SH2B2: variants seen among roughly 807,000 people sequenced by gnomAD.
SH2B2 encodes SH2B adapter protein 2.
SH2B2 carries 37 observed loss-of-function variants against 35.7 expected under a neutral mutation model. The ratio of observed to expected loss-of-function variants is 1.04; its 90% CI spans 0.80 to 1.36. The LOEUF (loss-of-function observed/expected upper bound fraction) is 1.36, where lower values mean the gene tolerates loss of function less well. Ranked by LOEUF, SH2B2 falls within the 40% of genes most tolerant of loss-of-function variation. SH2B2 has a pLI of 0.00. For missense variants in SH2B2, 852 were observed against 817.7 expected, an observed-to-expected ratio of 1.04 and a Z score of -0.51; for synonymous variants, 383 against 376.4, an observed-to-expected ratio of 1.02 and a Z score of -0.20.
At chr7:102,289,112 G>C (rs1239539092) in intron 1 of SH2B2, among the ~76,000 whole-genome samples, 1 of 152,196 alleles carries the variant, frequency 6.6e-6, no homozygotes, top group African/African-American at 2.4e-5. Context: ...TCAACACGAG[G>C]TCACAGCCCA....
chr7:102,301,171 C>G lies in SH2B2; in HGVS notation c.621C>G (p.Asp207Glu), dbSNP rs782492585. ...CGCTGCGCTTCATGGTGGCCGACGA[C>G]GCGGCCGCGGGCTCCGGGGGCTCGG... ...EGALRFMVAD[D>E]AAAGSGGSAQ... The change falls in exon 2 of 9, where the codon GAC becomes GAG. Residue 207 changes from aspartate (D) to glutamate (E), a missense_variant. Asp to Glu is a conservative substitution (Grantham distance 45). This residue lies in a region of SH2B2 where 556 missense variants were observed against 514.5 expected (regional missense o/e 1.08). Coordinates refer to ENST00000444095, the MANE Select transcript of SH2B2 (RefSeq NM_001359228.2). The G allele has an allele frequency of 6.4e-7, 1 of 1,572,536 alleles. No homozygotes were observed. Among genetic ancestry groups the G allele is most frequent in the Admixed American group, 1.9e-5 (1 of 53,148 alleles).
chr7:102,294,740 A>G (rs187630874), intron 1 of SH2B2, among the ~76,000 whole-genome samples: 1 of 152,222 alleles, frequency 6.6e-6, no homozygotes, highest in East Asian at 1.9e-4. Context: ...TCTACAGAGA[A>G]CCATGTCCGG....
Position 102,320,384 on chromosome 7 carries a change from G to T in SH2B2, c.1449G>T (p.Trp483Cys). ...GCCAGTGTCACGTACAGCATCTGTG[G>T]TTCCAGTCTGTGCTTGACATGCTCC... ...GHGQCHVQHL[W>C]FQSVLDMLRH... Residue 483 changes from tryptophan (W) to cysteine (C), a missense_variant, in exon 8 of 9, where the codon TGG becomes TGT. Trp to Cys is a radical substitution (Grantham distance 215). Coordinates refer to ENST00000444095, the MANE Select transcript of SH2B2 (RefSeq NM_001359228.2). The T allele has an allele frequency of 6.2e-7, 1 of 1,613,460 alleles. No homozygotes were observed. The highest frequency in any genetic ancestry group is 8.5e-7 in the Non-Finnish European group (1 of 1,179,868).
chr7:102,301,733 C>A (rs1464041521), intron 2 of SH2B2, among the ~76,000 whole-genome samples: 1 of 151,896 alleles, frequency 6.6e-6, no homozygotes, highest in Non-Finnish European at 1.5e-5. Flanking sequence ...CCACGATGCC[C>A]GGCTAATTTT....
intron 1 of SH2B2, among the ~76,000 whole-genome samples, chr7:102,291,980 T>C (rs1792690362): frequency 1.3e-5 from 2 of 151,046 alleles, no homozygotes; most frequent in African/African-American, 4.9e-5. Context: ...GGAGGGTGCT[T>C]GAGGAACAGC....
intron 1 of SH2B2, among the ~76,000 whole-genome samples, chr7:102,298,424 T>TTGG (rs1261463753): frequency 6.6e-6 from 1 of 151,702 alleles, no homozygotes; most frequent in African/African-American, 2.4e-5. Flanking sequence ...CACATCCAGA[T>TTGG]TGGTTGTTGT....
intron 1 of SH2B2, among the ~76,000 whole-genome samples, chr7:102,296,621 C>T (rs1272700763): frequency 6.6e-6 from 1 of 152,176 alleles, no homozygotes; most frequent in Non-Finnish European, 1.5e-5. Flanking sequence ...CCATCCAGAG[C>T]TGTGAAGGAT....
chr7:102,318,169 C>T (rs1387482560), intron 7 of SH2B2, among the ~76,000 whole-genome samples: 1 of 152,088 alleles, frequency 6.6e-6, no homozygotes, highest in South Asian at 2.1e-4. Flanking sequence ...GAGACAGTCT[C>T]GCTCTATCCT....
intron 2 of SH2B2, among the ~76,000 whole-genome samples, chr7:102,303,161 A>G (rs1310720972): frequency 1.3e-5 from 2 of 151,868 alleles, no homozygotes; most frequent in Admixed American, 1.3e-4. Context: ...AGATTGTGGT[A>G]AGCCGAGATC....
At position 102,321,151 on chromosome 7, in the gene SH2B2, G is replaced by C. The variant is rs1366266046; in HGVS notation, c.1568-148G>C. 6.8e-6 allele frequency: 4 copies of C among 588,374 alleles called. No homozygotes were observed. In the African/African-American group the frequency reaches 7.9e-5, roughly 12 times the overall value. The allele number at this position is 588,374 out of a possible 1,614,324, so 36.4% of individuals were successfully genotyped here. A position where few individuals can be genotyped will look rare whatever the true frequency, so the allele number is the denominator to read the frequency against. On this transcript the variant is annotated intron_variant, in intron 8 of 8. Transcript: ENST00000444095. Reference sequence around the variant, plus strand: ...GTGTGTGCTTCTGTTTATGCATGTGGGCGGGTGTGCTTGCATATGTGTCCG... The same window carrying C: ...GTGTGTGCTTCTGTTTATGCATGTGCGCGGGTGTGCTTGCATATGTGTCCG...
rs369500191 is a variant in SH2B2, at chr7:102,318,662, A to G, written c.1395+1267A>G. On this transcript the variant is annotated intron_variant, in intron 7 of 8. Transcript: ENST00000444095. Reference sequence around the variant, plus strand: ...TGCTCCAGGCCTGCAGCTGGGGGACAGTGTCTCTCTGCAGGGACCCCGGCT... The same window carrying G: ...TGCTCCAGGCCTGCAGCTGGGGGACGGTGTCTCTCTGCAGGGACCCCGGCT... Among the ~76,000 whole-genome samples the G allele has an allele frequency of 3.9e-5, 6 of 151,944 alleles. No individual in the cohort carries two copies. The East Asian group carries it at 1.2e-3, about 29-fold the overall frequency.
At chr7:102,305,894 T>C (rs59047979) in intron 2 of SH2B2, among the ~76,000 whole-genome samples, 11 of 119,346 alleles carry the variant, frequency 9.2e-5, no homozygotes, top group African/African-American at 1.2e-4. Flanking sequence ...TTTTTTTTTC[T>C]TTTTTTTTTT....
At position 102,300,548 on chromosome 7, in the gene SH2B2, G is replaced by T; in HGVS notation, c.-3G>T. On this transcript the variant is annotated 5_prime_UTR_variant, in exon 2 of 9. Transcript: ENST00000444095. ...CGCAGGTGGCTGCGATGGGACGGAA[G>T]CCATGAATGGTGCCGGCCCTGGCCC... The T allele has an allele frequency of 6.5e-7, 1 of 1,543,778 alleles. No individual in the cohort carries two copies. The highest frequency in any genetic ancestry group is 8.7e-7 in the Non-Finnish European group (1 of 1,145,692).
At chr7:102,301,329 C>T (rs1554553858) in intron 2 of SH2B2, 50 bp downstream of exon 2, 5 of 1,547,332 alleles carry the variant, frequency 3.2e-6, no homozygotes, top group Non-Finnish European at 4.4e-6. Flanking sequence ...GAGGAGGCAC[C>T]TGGGCAGCAG....
intron 4 of SH2B2, 187 bp downstream of exon 4, chr7:102,309,093 G>A (rs1793513784): frequency 1.5e-6 from 1 of 686,584 alleles, no homozygotes; most frequent in Non-Finnish European, 2.7e-6. Flanking sequence ...ATCGCCAGCA[G>A]ACTCTGTGAG....
In SH2B2 at chr7:102,296,415, T is replaced by C. The variant is rs142415061; in HGVS notation, c.-29-4107T>C. On this transcript the variant is annotated intron_variant, in intron 1 of 8. Transcript: ENST00000444095. ...CTAACTCATTTCCTTGGAAGGATGG[T>C]CGCTTGTCCCCCAACACTAAGCCGG... 5.3e-4 allele frequency among the ~76,000 whole-genome samples: 81 copies of C among 152,284 alleles called. 1 individual carries two copies. In the East Asian group the frequency reaches 0.015, roughly 29 times the overall value.
intron 1 of SH2B2, among the ~76,000 whole-genome samples, chr7:102,295,406 G>A (rs190402754): frequency 2.0e-3 from 311 of 152,296 alleles, no homozygotes; most frequent in African/African-American, 7.2e-3. Context: ...TTCAGCTGTG[G>A]CCCCACCCCC....
At chr7:102,318,500 A>C (rs1471785350) in intron 7 of SH2B2, among the ~76,000 whole-genome samples, 2 of 152,118 alleles carry the variant, frequency 1.3e-5, no homozygotes, top group African/African-American at 4.8e-5. Context: ...GGGGGGTGCA[A>C]TGTGGCCAGA....
chr7:102,313,325 G>C (rs1793697053), intron 4 of SH2B2, among the ~76,000 whole-genome samples: 1 of 151,666 alleles, frequency 6.6e-6, no homozygotes, highest in South Asian at 2.1e-4. Flanking sequence ...GCGCATGCTT[G>C]TGATCCCAGC....
Sources: allele counts gnomAD v4.1 joint callset (sites outside exome capture counted in the v4.1 genomes callset), GRCh38; gene constraint gnomAD v4.1.1; regional missense constraint gnomAD v4.1.1; transcripts MANE v1.5; gene names NCBI Gene and HGNC (gene_info 2026-07-23, HGNC 2026-07-21).